SLCO1B3: variants seen among roughly 807,000 people sequenced by gnomAD.
SLCO1B3 encodes liver-specific organic anion transporter 2.
Under a neutral mutation model 71.8 loss-of-function variants are expected in SLCO1B3, and 72 were observed. The observed-to-expected ratio is 1.00, with a 90% CI of 0.83 to 1.22. The LOEUF (loss-of-function observed/expected upper bound fraction) is 1.22. Ranked by LOEUF, SLCO1B3 falls within the 50% of genes most tolerant of loss-of-function variation. The probability of loss-of-function intolerance (pLI) is 0.00; values close to 1 mark genes in which losing one functional copy is unlikely to be tolerated. For missense variants in SLCO1B3, 911 were observed against 819.7 expected, an observed-to-expected ratio of 1.11 and a Z score of -1.36; for synonymous variants, 298 against 278.4, an observed-to-expected ratio of 1.07 and a Z score of -0.70.
intron 3 of SLCO1B3, among the ~76,000 whole-genome samples, chr12:20,848,487 T>C (rs937468544): frequency 2.0e-5 from 3 of 152,162 alleles, no homozygotes; most frequent in Non-Finnish European, 2.9e-5. Context: ...ACCTTAGTAT[T>C]TACCCAAATG....
chr12:20,889,467 A>G (rs748859946), intron 13 of SLCO1B3, among the ~76,000 whole-genome samples: 1 of 152,032 alleles, frequency 6.6e-6, no homozygotes, highest in Non-Finnish European at 1.5e-5. Context: ...CATTTCCTCT[A>G]GGTTTTCCAG....
chr12:20,829,885 T>C (rs1269533582), intron 3 of SLCO1B3, among the ~76,000 whole-genome samples: 1 of 152,118 alleles, frequency 6.6e-6, no homozygotes, highest in Admixed American at 6.5e-5. Flanking sequence ...ATGGCGCTGG[T>C]GGGAGTGTAG....
intron 3 of SLCO1B3, among the ~76,000 whole-genome samples, chr12:20,845,547 C>G (rs1864899391): frequency 6.6e-6 from 1 of 152,032 alleles, no homozygotes; most frequent in Non-Finnish European, 1.5e-5. Context: ...TTACAAGGAC[C>G]TCAGAACTAA....
intron 3 of SLCO1B3, among the ~76,000 whole-genome samples, chr12:20,852,968 A>G (rs1453377427): frequency 2.0e-5 from 3 of 152,060 alleles, no homozygotes. Context: ...AATTAATATT[A>G]ATGTTAGGAG....
chr12:20,845,452 G>C (rs1283115433), intron 3 of SLCO1B3, among the ~76,000 whole-genome samples: 5 of 152,144 alleles, frequency 3.3e-5, no homozygotes, highest in Non-Finnish European at 4.4e-5. Context: ...TACCGCATTT[G>C]TCTCAACTTC....
chr12:20,852,134 G>A (rs552468542), intron 3 of SLCO1B3, among the ~76,000 whole-genome samples: 1 of 152,230 alleles, frequency 6.6e-6, no homozygotes, highest in South Asian at 2.1e-4. Context: ...GGCTACGCAG[G>A]GTGCCTTTGG....
chr12:20,902,178 A>T, intron 15 of SLCO1B3: 2 of 204,978 alleles, frequency 9.8e-6, no homozygotes, highest in South Asian at 1.3e-4. Context: ...CTTTGTGTAT[A>T]TACCCAATAA....
At chr12:20,831,881 C>T (rs539464383) in intron 3 of SLCO1B3, among the ~76,000 whole-genome samples, 77 of 152,222 alleles carry the variant, frequency 5.1e-4, no homozygotes, top group Non-Finnish European at 8.4e-4. Flanking sequence ...TGAGATATTG[C>T]GCTAGTGTTT....
chr12:20,853,049 A>C (rs1177529187), intron 3 of SLCO1B3, among the ~76,000 whole-genome samples: 1 of 152,004 alleles, frequency 6.6e-6, no homozygotes, highest in Non-Finnish European at 1.5e-5. Flanking sequence ...CATTTAGTGA[A>C]TGTGATGTAT....
In SLCO1B3 at chr12:20,853,632, A is replaced by T. The variant is rs559933648; in HGVS notation, c.85-1396A>T. On this transcript the variant is annotated intron_variant, in intron 3 of 15. Transcript: ENST00000381545. Reference sequence around the variant, plus strand: ...TAAGTCTCTCTCTCTTTTTTATTTTAGCTAAAGGTCTCTCAGTTTTGTTGA... The same window carrying T: ...TAAGTCTCTCTCTCTTTTTTATTTTTGCTAAAGGTCTCTCAGTTTTGTTGA... 1.4e-4 allele frequency among the ~76,000 whole-genome samples: 22 copies of T among 151,924 alleles called. No homozygotes were observed. The South Asian group carries it at 4.6e-3, about 32-fold the overall frequency.
At chr12:20,895,062 A>G (rs899023296) in intron 13 of SLCO1B3, among the ~76,000 whole-genome samples, 1 of 152,162 alleles carries the variant, frequency 6.6e-6, no homozygotes, top group Non-Finnish European at 1.5e-5. Context: ...CTATCATGGA[A>G]CAGCATGGGA....
Position 20,883,565 on chromosome 12 carries a change from G to C in SLCO1B3, c.1645G>C (p.Ala549Pro), listed in dbSNP as rs550694241. 2 of 1,599,520 alleles carry C rather than the reference G, an allele frequency of 1.3e-6. No homozygotes were observed. Among genetic ancestry groups the C allele is most frequent in the East Asian group, 4.6e-5 (2 of 43,732 alleles). The part of the protein sequence containing the change: ...AIQVINSLFS[A>P]TGGTTFILLT... ...TCAAGTCATAAACTCTTTGTTCTCT[G>C]CAACAGGAGGTACCACATTTATCTT... The change falls in exon 13 of 16, where the codon GCA becomes CCA. Residue 549 changes from alanine to proline, a missense_variant. By Grantham distance (27) the Ala-to-Pro change is conservative. Transcript: ENST00000381545.
intron 3 of SLCO1B3, among the ~76,000 whole-genome samples, chr12:20,834,071 AAT>A (rs963389168): frequency 5.8e-4 from 71 of 122,958 alleles, no homozygotes; most frequent in African/African-American, 1.8e-3. Context: ...TAAAAATATA[AAT>A]ATATATAAAT....
intron 3 of SLCO1B3, among the ~76,000 whole-genome samples, chr12:20,820,541 G>A (rs11045527): frequency 0.53 from 80,630 of 151,954 alleles, 22,033 homozygotes; most frequent in East Asian, 0.74. Flanking sequence ...CTTGTGTGCT[G>A]GAGATGTGGC....
chr12:20,860,825 T>G (rs543661181), intron 5 of SLCO1B3, among the ~76,000 whole-genome samples, 192 bp from the exon 6 acceptor site: 1 of 152,242 alleles, frequency 6.6e-6, no homozygotes, highest in African/African-American at 2.4e-5. Context: ...AGTATCTTTC[T>G]TAGTGGACAC....
At chr12:20,867,073 G>T (rs1369501752) in intron 8 of SLCO1B3, among the ~76,000 whole-genome samples, 2 of 152,066 alleles carry the variant, frequency 1.3e-5, no homozygotes, top group African/African-American at 4.8e-5. Flanking sequence ...CAATGCTCTT[G>T]GTCATCCAGA....
chr12:20,834,920 C>T (rs577488147), intron 3 of SLCO1B3, among the ~76,000 whole-genome samples: 1 of 152,310 alleles, frequency 6.6e-6, no homozygotes, highest in South Asian at 2.1e-4. Context: ...TTCTGACTGC[C>T]ATACTGAAAT....
At position 20,837,474 on chromosome 12, in the gene SLCO1B3, C is replaced by T. The variant is rs535630581; in HGVS notation, c.85-17554C>T. On this transcript the variant is annotated intron_variant, in intron 3 of 15. Coordinates refer to ENST00000381545, the MANE Select transcript of SLCO1B3 (RefSeq NM_019844.4). ...TCAGTGTAATAAATTTTCCTCTAAG[C>T]ATTGCTTTTGCTACCTCCCACAAAC... Among the ~76,000 whole-genome samples, 39 of 152,132 alleles carry T rather than the reference C, an allele frequency of 2.6e-4. No homozygotes were observed. The South Asian group carries it at 7.9e-3, about 31-fold the overall frequency.
intron 1 of SLCO1B3, among the ~76,000 whole-genome samples, chr12:20,812,106 T>C (rs34563539): frequency 0.24 from 36,470 of 151,678 alleles, 4,745 homozygotes; most frequent in Middle Eastern, 0.35. Context: ...GGGGTTTCTC[T>C]GTGTTGGTCA....
Sources: allele counts gnomAD v4.1 joint callset (sites outside exome capture counted in the v4.1 genomes callset), GRCh38; gene constraint gnomAD v4.1.1; transcripts MANE v1.5; gene names NCBI Gene and HGNC (gene_info 2026-07-23, HGNC 2026-07-21).